The following PXT1 variants were observed in gnomAD, a reference collection of about 807,000 sequenced individuals.
The protein encoded by PXT1 is peroxisomal testis enriched protein 1, also known as peroxisomal testis-specific protein 1.
Under a neutral mutation model 11.0 loss-of-function variants are expected in PXT1, and 11 were observed. That is an observed-to-expected ratio of 1.00 (90% CI 0.63 to 1.66). The LOEUF (loss-of-function observed/expected upper bound fraction) is 1.66, where lower values mean the gene tolerates loss of function less well. Among genes scored for constraint, PXT1 ranks in the 40% most tolerant of loss-of-function variants. PXT1 has a pLI of 0.00. For missense variants in PXT1, 141 were observed against 155.5 expected (o/e 0.91, Z 0.49); for synonymous variants, 43 against 51.4 (o/e 0.84, Z 0.70).
intron 2 of PXT1, among the ~76,000 whole-genome samples, chr6:36,427,989 A>G (rs1774633049): frequency 6.6e-6 from 1 of 152,176 alleles, no homozygotes; most frequent in Non-Finnish European, 1.5e-5. Context: ...GAGCTGAGAA[A>G]TGAGGTGTTG....
intron 3 of PXT1, among the ~76,000 whole-genome samples, chr6:36,409,824 T>TGGAAGGAAGGAAGGAAGGAA (rs201849950): frequency 0.015 from 1,451 of 97,612 alleles, 41 homozygotes; most frequent in Admixed American, 0.028. Context: ...AGACCCTGTC[T>TGGAAGGAAGGAAGGAAGGAA]GGAAGGAAGG....
At chr6:36,413,715 G>A (rs1250885199) in intron 3 of PXT1, among the ~76,000 whole-genome samples, 3 of 152,132 alleles carry the variant, frequency 2.0e-5, no homozygotes, top group African/African-American at 7.2e-5. Flanking sequence ...TGAGAGGCGG[G>A]GCCAGGCACA....
rs923359297 is a variant in PXT1 at position 36,390,786 on chromosome 6, T to C, written c.*984A>G. On this transcript the variant is annotated 3_prime_UTR_variant, in exon 5 of 5. Coordinates refer to ENST00000454782, the MANE Select transcript of PXT1 (RefSeq NM_152990.4). Reference sequence around the variant, plus strand: ...CTAACAGCGTGCAGGAGAGAATGAGTGAAATACATTCCACAGGCAAAGGGC... The same window carrying C: ...CTAACAGCGTGCAGGAGAGAATGAGCGAAATACATTCCACAGGCAAAGGGC... 6.6e-6 allele frequency: 1 copy of C among 151,620 alleles called. No homozygotes were observed. The highest frequency in any genetic ancestry group is 1.5e-5 in the Non-Finnish European group (1 of 67,936). The allele number at this position is 151,620 out of a possible 1,614,324, so 9.4% of individuals were successfully genotyped here. A position where few individuals can be genotyped will look rare whatever the true frequency, so the allele number is the denominator to read the frequency against.
At chr6:36,437,144 G>A (rs529611607) in intron 2 of PXT1, among the ~76,000 whole-genome samples, 15 of 152,062 alleles carry the variant, frequency 9.9e-5, no homozygotes, top group East Asian at 1.9e-4. Context: ...AAAATTAGCC[G>A]GGCGTGGTGT....
chr6:36,412,795 A>T (rs1774392889), intron 3 of PXT1, among the ~76,000 whole-genome samples: 1 of 152,164 alleles, frequency 6.6e-6, no homozygotes, highest in Admixed American at 6.5e-5. Flanking sequence ...TATTACATTC[A>T]TAAAACAAAA....
At position 36,410,945 on chromosome 6, in the gene PXT1, T is replaced by C. The variant is rs952685394; in HGVS notation, c.170-10361A>G. On this transcript the variant is annotated intron_variant, in intron 3 of 4. Coordinates refer to ENST00000454782, the MANE Select transcript of PXT1 (RefSeq NM_152990.4). ...TATTAACTATGTAACCTGCCACAAG[T>C]TATCCATTCTCTCCATGCCTCAGCT... is the stretch of plus-strand genomic sequence containing the variant. Among the ~76,000 whole-genome samples, 4 of 152,334 alleles carry C rather than the reference T, an allele frequency of 2.6e-5. No individual in the cohort carries two copies. The East Asian group carries it at 7.7e-4, about 29-fold the overall frequency.
intron 3 of PXT1, among the ~76,000 whole-genome samples, chr6:36,409,824 T>TGGAAGGAAGGAA (rs201849950): frequency 0.14 from 13,750 of 97,394 alleles, 1,343 homozygotes; most frequent in East Asian, 0.27. Context: ...AGACCCTGTC[T>TGGAAGGAAGGAA]GGAAGGAAGG....
intron 3 of PXT1, among the ~76,000 whole-genome samples, chr6:36,421,473 G>A (rs1000551010): frequency 6.6e-6 from 1 of 151,990 alleles, no homozygotes; most frequent in Non-Finnish European, 1.5e-5. Flanking sequence ...AAAAAGCAAA[G>A]CAAAACAAAA....
intron 3 of PXT1, among the ~76,000 whole-genome samples, chr6:36,418,975 C>T (rs1582262924): frequency 6.6e-6 from 1 of 152,198 alleles, no homozygotes; most frequent in Admixed American, 6.5e-5. Context: ...GTCCCTAAGT[C>T]GGTGGCTTAC....
intron 1 of PXT1, among the ~76,000 whole-genome samples, chr6:36,440,355 G>A (rs555776075): frequency 1.1e-4 from 16 of 152,196 alleles, no homozygotes; most frequent in African/African-American, 3.6e-4. Context: ...TGGATCACGA[G>A]GTCAGGAGAT....
intron 3 of PXT1, among the ~76,000 whole-genome samples, chr6:36,410,510 AAGAG>A (rs1490877849): frequency 2.6e-5 from 4 of 151,922 alleles, no homozygotes; most frequent in South Asian, 2.1e-4. Context: ...GGAAGGAAGA[AAGAG>A]AGAGAAAGAG....
At chr6:36,401,390 T>C (rs1247359364) in intron 3 of PXT1, among the ~76,000 whole-genome samples, 1 of 152,078 alleles carries the variant, frequency 6.6e-6, no homozygotes, top group Non-Finnish European at 1.5e-5. Flanking sequence ...TCCCAAAACT[T>C]TGGGAGGCCA....
chr6:36,423,544 G>A (rs1311462284), intron 3 of PXT1, among the ~76,000 whole-genome samples: 3 of 152,254 alleles, frequency 2.0e-5, no homozygotes, highest in African/African-American at 7.2e-5. Flanking sequence ...GCGGGAGTTA[G>A]GGAGGCCGGG....
At chr6:36,414,817 C>T (rs1229555909) in intron 3 of PXT1, among the ~76,000 whole-genome samples, 1 of 152,216 alleles carries the variant, frequency 6.6e-6, no homozygotes, top group Non-Finnish European at 1.5e-5. Context: ...TAAACCACCT[C>T]ACCAGAGCTC....
At chr6:36,399,764 T>C (rs1774189423) in intron 4 of PXT1, among the ~76,000 whole-genome samples, 1 of 152,184 alleles carries the variant, frequency 6.6e-6, no homozygotes, top group Admixed American at 6.5e-5. Flanking sequence ...AGCTGTGGAT[T>C]TCATCACCCC....
At chr6:36,409,861 GGA>G (rs1561927820) in intron 3 of PXT1, among the ~76,000 whole-genome samples, 9 of 138,242 alleles carry the variant, frequency 6.5e-5, no homozygotes, top group African/African-American at 1.4e-4. Flanking sequence ...AAGGAAGGAA[GGA>G]GAAAGAAAAG....
chr6:36,439,884 T>G (rs1398810138), intron 1 of PXT1, among the ~76,000 whole-genome samples: 5 of 152,060 alleles, frequency 3.3e-5, no homozygotes, highest in African/African-American at 1.2e-4. Flanking sequence ...CTATCCTGAC[T>G]CCCCACAGGA....
At chr6:36,437,908 G>A (rs1053253435) in intron 2 of PXT1, among the ~76,000 whole-genome samples, 5 of 141,090 alleles carry the variant, frequency 3.5e-5, no homozygotes, top group African/African-American at 1.3e-4. Flanking sequence ...CACACTCCAC[G>A]TCCCGGGTTC....
At chr6:36,427,836 G>A (rs750023888) in intron 2 of PXT1, among the ~76,000 whole-genome samples, 69 of 152,156 alleles carry the variant, frequency 4.5e-4, no homozygotes, top group Middle Eastern at 3.4e-3. Flanking sequence ...TTTACTGGAC[G>A]GCCAGCCATA....
Sources: allele counts gnomAD v4.1 joint callset (sites outside exome capture counted in the v4.1 genomes callset), GRCh38; gene constraint gnomAD v4.1.1; transcripts MANE v1.5; gene names NCBI Gene and HGNC (gene_info 2026-07-23, HGNC 2026-07-21).